SNTB1: variants seen among roughly 807,000 people sequenced by gnomAD.
The protein encoded by SNTB1 is syntrophin beta 1, also known as beta-1-syntrophin.
In SNTB1, 36 loss-of-function variants were observed where a neutral mutation model predicts 48.9. The ratio of observed to expected loss-of-function variants is 0.74; its 90% CI spans 0.56 to 0.97. The LOEUF (loss-of-function observed/expected upper bound fraction) is 0.97. SNTB1 is among the 50% of genes least tolerant of loss of function. SNTB1 has a pLI of 0.00. For missense variants in SNTB1, 786 were observed against 703.4 expected (o/e 1.12, Z -1.33); for synonymous variants, 299 against 294.6 (o/e 1.01, Z -0.15).
intron 1 of SNTB1, among the ~76,000 whole-genome samples, chr8:120,747,842 TA>T (rs1439428958): frequency 1.3e-5 from 2 of 152,070 alleles, no homozygotes; most frequent in African/African-American, 2.4e-5. Context: ...AATTAAAATA[TA>T]AAAAAATAGG....
intron 1 of SNTB1, among the ~76,000 whole-genome samples, chr8:120,720,108 G>A (rs754952763): frequency 6.6e-6 from 1 of 152,224 alleles, no homozygotes; most frequent in Non-Finnish European, 1.5e-5. Context: ...CTGGCAGCAA[G>A]ATGAGGAAAA....
chr8:120,787,832 T>G (rs1819948679), intron 1 of SNTB1, among the ~76,000 whole-genome samples: 2 of 152,174 alleles, frequency 1.3e-5, no homozygotes, highest in South Asian at 4.1e-4. Context: ...AAAACTTCCC[T>G]GGCCTTGCTA....
intron 1 of SNTB1, among the ~76,000 whole-genome samples, chr8:120,791,588 A>T (rs2130154771): frequency 6.6e-6 from 1 of 152,126 alleles, no homozygotes; most frequent in East Asian, 1.9e-4. Flanking sequence ...ACTCAAACAA[A>T]TCATCAAGAA....
chr8:120,603,819 C>A (rs1816465606), intron 3 of SNTB1, among the ~76,000 whole-genome samples: 1 of 152,206 alleles, frequency 6.6e-6, no homozygotes, highest in African/African-American at 2.4e-5. Flanking sequence ...GATCAATTCA[C>A]TAATCAATCT....
chr8:120,693,602 A>C (rs1463023825), intron 2 of SNTB1, 90 bp downstream of exon 2: 1 of 1,080,138 alleles, frequency 9.3e-7, no homozygotes, highest in Non-Finnish European at 1.4e-6. Flanking sequence ...ATGTGTTTTC[A>C]GAACATGAGG....
Position 120,811,786 on chromosome 8 carries a change from C to T in SNTB1, c.58G>A (p.Ala20Thr), listed in dbSNP as rs1206025649. 17 of 1,463,496 alleles carry T rather than the reference C, an allele frequency of 1.2e-5. No individual in the cohort carries two copies. Among genetic ancestry groups the T allele is most frequent in the African/African-American group, 1.5e-5 (1 of 68,648 alleles). 90.7% of individuals were successfully genotyped at this position (1,463,496 alleles called of 1,614,324 possible). Reference protein sequence around the residue: ...AGPAGAGGGRAQRSGLLEVLV... With the variant: ...AGPAGAGGGRTQRSGLLEVLV... ...ACTTCCAGCAGCCCGCTCCGCTGCG[C>T]CCGGCCGCCTCCCGCGCCAGCCGGC... Residue 20 changes from alanine (A) to threonine (T), a missense_variant, in exon 1 of 7, where the codon GCG becomes ACG. By Grantham distance (58) the Ala-to-Thr change is moderately conservative (BLOSUM62 0). Coordinates refer to ENST00000517992, the MANE Select transcript of SNTB1 (RefSeq NM_021021.4).
intron 2 of SNTB1, among the ~76,000 whole-genome samples, chr8:120,668,369 T>G (rs193181146): frequency 6.6e-6 from 1 of 152,296 alleles, no homozygotes; most frequent in African/African-American, 2.4e-5. Flanking sequence ...GGAAGAAGGG[T>G]AAATATAGTT....
At chr8:120,610,380 C>T (rs1205881156) in intron 3 of SNTB1, among the ~76,000 whole-genome samples, 1 of 152,274 alleles carries the variant, frequency 6.6e-6, no homozygotes, top group Non-Finnish European at 1.5e-5. Context: ...CAGATCCTCC[C>T]GCCTCAGCCT....
In SNTB1 at chr8:120,587,221, A is replaced by AAAAACAAAACAAAACAAAACAAAAC. The variant is rs35819460; in HGVS notation, c.997-11997_997-11996insGTTTTGTTTTGTTTTGTTTTGTTTT. 7.4e-4 allele frequency among the ~76,000 whole-genome samples: 112 copies of AAAAACAAAACAAAACAAAACAAAAC among 150,988 alleles called. 1 individual carries two copies. Among genetic ancestry groups the AAAAACAAAACAAAACAAAACAAAAC allele is most frequent in the African/African-American group, 2.5e-3 (103 of 41,068 alleles). Reference sequence around the variant, plus strand: ...GGGCAACGGAGCGAGACTCTGTCTCAAAAACAAAACAAAACAAAACAGACA... The same window carrying AAAAACAAAACAAAACAAAACAAAAC: ...GGGCAACGGAGCGAGACTCTGTCTCAAAAACAAAACAAAACAAAACAAAACAAAACAAAACAAAACAAAACAGACA... On this transcript the variant is annotated intron_variant, in intron 3 of 6. Coordinates refer to ENST00000517992, the MANE Select transcript of SNTB1 (RefSeq NM_021021.4).
At chr8:120,770,314 T>C (rs1819599267) in intron 1 of SNTB1, among the ~76,000 whole-genome samples, 1 of 151,940 alleles carries the variant, frequency 6.6e-6, no homozygotes, top group Non-Finnish European at 1.5e-5. Flanking sequence ...GTGAGGTCAG[T>C]GTGGATCCTT....
chr8:120,615,083 G>A (rs758159741), intron 3 of SNTB1, among the ~76,000 whole-genome samples: 16 of 151,868 alleles, frequency 1.1e-4, no homozygotes, highest in Admixed American at 4.6e-4. Context: ...CCCAGGAAGC[G>A]GAGGTTTCAG....
intron 2 of SNTB1, among the ~76,000 whole-genome samples, chr8:120,647,434 A>T (rs1421177515): frequency 1.3e-5 from 2 of 149,072 alleles, no homozygotes. Flanking sequence ...CCCAGTAGTC[A>T]TTCAGGAGCA....
At chr8:120,704,559 A>C (rs1227402322) in intron 1 of SNTB1, among the ~76,000 whole-genome samples, 1 of 152,200 alleles carries the variant, frequency 6.6e-6, no homozygotes. Context: ...ATAAAGAAAA[A>C]AGATAAGCCA....
intron 1 of SNTB1, among the ~76,000 whole-genome samples, chr8:120,779,684 C>A (rs1271396292): frequency 6.6e-6 from 1 of 152,060 alleles, no homozygotes; most frequent in Non-Finnish European, 1.5e-5. Context: ...GTAAAACGAA[C>A]TTTGAGAGAT....
chr8:120,597,133 A>C (rs1816340578), intron 3 of SNTB1, among the ~76,000 whole-genome samples: 1 of 152,236 alleles, frequency 6.6e-6, no homozygotes, highest in Non-Finnish European at 1.5e-5. Context: ...AGCAGAAGGC[A>C]GTGGACCATA....
At chr8:120,608,895 TAA>T (rs1373115780) in intron 3 of SNTB1, among the ~76,000 whole-genome samples, 1 of 152,198 alleles carries the variant, frequency 6.6e-6, no homozygotes, top group East Asian at 1.9e-4. Context: ...TGTGTGAACC[TAA>T]GTGAGTATTA....
At chr8:120,658,816 C>G (rs1476000120) in intron 2 of SNTB1, among the ~76,000 whole-genome samples, 4 of 152,152 alleles carry the variant, frequency 2.6e-5, no homozygotes, top group African/African-American at 9.7e-5. Flanking sequence ...TCTGCCACAT[C>G]AATTGACTCT....
Position 120,708,562 on chromosome 8 carries a change from A to G in SNTB1, c.572-14654T>C, listed in dbSNP as rs540895720. On this transcript the variant is annotated intron_variant, in intron 1 of 6. Transcript: ENST00000517992. ...AAACATAAATCCCAAATGCCAAACA[A>G]AATGTCAGTAAACCAAGTCCAACAA... Among the ~76,000 whole-genome samples the G allele has an allele frequency of 7.2e-5, 11 of 152,210 alleles. No individual in the cohort carries two copies. The East Asian group carries it at 1.9e-3, about 27-fold the overall frequency.
At chr8:120,687,248 G>C (rs536889684) in intron 2 of SNTB1, among the ~76,000 whole-genome samples, 24 of 152,176 alleles carry the variant, frequency 1.6e-4, no homozygotes, top group African/African-American at 5.5e-4. Context: ...TAAAGTATTT[G>C]GAAACATCTA....
Sources: gnomAD v4.1 joint callset for allele counts (sites outside exome capture counted in the v4.1 genomes callset) on GRCh38, gnomAD v4.1.1 for gene constraint, MANE v1.5 for transcripts, NCBI Gene and HGNC (gene_info 2026-07-23, HGNC 2026-07-21) for gene names.